Variants in METTL15 observed in about 807,000 individuals in gnomAD.
METTL15 encodes 12S rRNA N(4)-cytidine methyltransferase METTL15.
In METTL15, 34 loss-of-function variants were observed where a neutral mutation model predicts 38.3. The ratio of observed to expected loss-of-function variants is 0.89; its 90% CI spans 0.68 to 1.18. The LOEUF is 1.18. METTL15 is among the 50% of genes most tolerant of loss of function. The probability of loss-of-function intolerance (pLI) is 0.00; values close to 1 mark genes in which losing one functional copy is unlikely to be tolerated. For missense variants in METTL15, 438 were observed against 498.4 expected, an observed-to-expected ratio of 0.88 and a Z score of 1.15; for synonymous variants, 162 against 170.9, an observed-to-expected ratio of 0.95 and a Z score of 0.41.
chr11:28,222,281 C>T (rs1030955534), intron 4 of METTL15, among the ~76,000 whole-genome samples: 6 of 152,160 alleles, frequency 3.9e-5, no homozygotes, highest in African/African-American at 1.4e-4. Flanking sequence ...CCTGGCTGCT[C>T]CCTTGCCGTT....
At chr11:28,403,021 C>T (rs1226350359) in intron 5 of METTL15, among the ~76,000 whole-genome samples, 2 of 151,962 alleles carry the variant, frequency 1.3e-5, no homozygotes, top group African/African-American at 4.8e-5. Flanking sequence ...ATTGTTTCTG[C>T]CTGGAACATT....
At chr11:28,152,577 A>G (rs1850128297) in intron 3 of METTL15, among the ~76,000 whole-genome samples, 1 of 151,928 alleles carries the variant, frequency 6.6e-6, no homozygotes, top group South Asian at 2.1e-4. Flanking sequence ...TTGGAAAATA[A>G]TTTTGAAAAA....
At chr11:28,388,842 C>A (rs540093846) in intron 5 of METTL15, among the ~76,000 whole-genome samples, 2 of 152,132 alleles carry the variant, frequency 1.3e-5, no homozygotes, top group Admixed American at 1.3e-4. Context: ...TACACCCACC[C>A]CACAACAGGC....
chr11:28,467,214 G>A (rs945468273), intron 6 of METTL15, among the ~76,000 whole-genome samples: 1 of 152,190 alleles, frequency 6.6e-6, no homozygotes, highest in African/African-American at 2.4e-5. Context: ...CTCTGGTCAT[G>A]GTGGCTTCTT....
chr11:28,455,687 C>T (rs1271146533), intron 6 of METTL15, among the ~76,000 whole-genome samples: 2 of 152,060 alleles, frequency 1.3e-5, no homozygotes, highest in African/African-American at 4.8e-5. Flanking sequence ...GGTGATACTG[C>T]ATGGTTTCTT....
chr11:28,430,603 G>T (rs1340627351), intron 6 of METTL15, among the ~76,000 whole-genome samples: 1 of 44,866 alleles, frequency 2.2e-5, no homozygotes, highest in Non-Finnish European at 4.9e-5. Flanking sequence ...GAGGTGGGGG[G>T]GTCAGCCCTC....
At chr11:28,378,652 G>T (rs1015692286) in intron 5 of METTL15, among the ~76,000 whole-genome samples, 5 of 151,930 alleles carry the variant, frequency 3.3e-5, no homozygotes, top group African/African-American at 4.8e-5. Context: ...GACAGGAGCT[G>T]TTCCTATTCG....
chr11:28,127,740 ACT>A (rs1852557180), intron 3 of METTL15, among the ~76,000 whole-genome samples: 1 of 152,132 alleles, frequency 6.6e-6, no homozygotes, highest in South Asian at 2.1e-4. Context: ...ACCAATTAAT[ACT>A]GTTATAACTA....
intron 3 of METTL15, chr11:28,163,336 T>C (rs1023913597): frequency 4.3e-5 from 17 of 397,940 alleles, no homozygotes; most frequent in African/African-American, 3.3e-4. Context: ...CAGAATTCTG[T>C]CAGGCTTCAT....
chr11:28,444,371 T>C (rs1851058672), intron 6 of METTL15, among the ~76,000 whole-genome samples: 1 of 152,134 alleles, frequency 6.6e-6, no homozygotes, highest in African/African-American at 2.4e-5. Context: ...ATTTACAACT[T>C]TAAGAAAGTA....
chr11:28,401,248 G>A (rs2133404263), intron 5 of METTL15, among the ~76,000 whole-genome samples: 1 of 152,026 alleles, frequency 6.6e-6, no homozygotes, highest in African/African-American at 2.4e-5. Context: ...GACTTGCCTG[G>A]AGGAAGAATC....
rs1851602398 is a variant in METTL15, at chr11:28,188,877, C to T, written c.271-22185C>T. Among the ~76,000 whole-genome samples the T allele has an allele frequency of 3.3e-5, 5 of 151,112 alleles. 1 individual carries two copies. In the Admixed American group the frequency reaches 3.3e-4, roughly 10 times the overall value. On this transcript the variant is annotated intron_variant, in intron 3 of 6. Transcript: ENST00000407364. ...TGTGTAACATAATAATGTTTATTTC[C>T]TAAAGGAAACTGTGATTATTCATTT...
chr11:28,195,091 A>G (rs1296042382), intron 3 of METTL15, among the ~76,000 whole-genome samples: 1 of 150,748 alleles, frequency 6.6e-6, no homozygotes, highest in Non-Finnish European at 1.5e-5. Context: ...TTCTTTATCC[A>G]CTCTTTGGTT....
chr11:28,210,771 A>G (rs1414069306), intron 3 of METTL15, among the ~76,000 whole-genome samples: 5 of 152,008 alleles, frequency 3.3e-5, no homozygotes, highest in Non-Finnish European at 5.9e-5. Context: ...CTGGGGGCAC[A>G]ACAGTGTGAC....
chr11:28,336,301 A>G (rs1157425318), downstream of METTL15, among the ~76,000 whole-genome samples: 2 of 152,172 alleles, frequency 1.3e-5, no homozygotes, highest in African/African-American at 4.8e-5. Context: ...TCATTTAGGT[A>G]AGAGAAAGTA....
At chr11:28,354,825 G>A (rs1401941116) in intron 4 of METTL15, among the ~76,000 whole-genome samples, 1 of 152,048 alleles carries the variant, frequency 6.6e-6, no homozygotes. Context: ...TGTATGTTTT[G>A]AGTTATGTCA....
chr11:28,239,181 G>A lies in METTL15; in HGVS notation c.407+27983G>A, dbSNP rs1854175768. Among the ~76,000 whole-genome samples the A allele has an allele frequency of 2.6e-5, 4 of 151,958 alleles. 1 individual carries two copies. Among genetic ancestry groups the A allele is most frequent in the Admixed American group, 2.6e-4 (4 of 15,266 alleles). ...CTTATCCCATCCAACTGCTTAGCTG[G>A]CATTTCCACTTAGCTGGCTAATAGA... On this transcript the variant is annotated intron_variant, in intron 4 of 6. Coordinates refer to ENST00000407364, the MANE Select transcript of METTL15 (RefSeq NM_001113528.2).
chr11:28,473,756 C>T (rs770710266), intron 6 of METTL15, among the ~76,000 whole-genome samples: 1 of 152,112 alleles, frequency 6.6e-6, no homozygotes, highest in Non-Finnish European at 1.5e-5. Flanking sequence ...CCAACCTTAT[C>T]TTTCTCCTTG....
chr11:28,399,502 G>A (rs565798113), intron 5 of METTL15, among the ~76,000 whole-genome samples: 7 of 151,806 alleles, frequency 4.6e-5, no homozygotes, highest in Non-Finnish European at 1.0e-4. Context: ...AAAGCAATGT[G>A]TCTAATTTTC....
Sources: allele counts gnomAD v4.1 joint callset (sites outside exome capture counted in the v4.1 genomes callset), GRCh38; gene constraint gnomAD v4.1.1; transcripts MANE v1.5; gene names NCBI Gene and HGNC (gene_info 2026-07-23, HGNC 2026-07-21).